Variants in RIMOC1 observed in about 807,000 individuals in gnomAD.
The protein encoded by RIMOC1 is RAB7A-interacting MON1-CCZ1 complex subunit 1.
chr5:41,909,883 G>A, the RIMOC1 span: 12 of 1,573,938 alleles, frequency 7.6e-6, no homozygotes, highest in Non-Finnish European at 9.5e-6. Flanking sequence ...AAAATAATAT[G>A]CATCCAAAAG....
the RIMOC1 span, among the ~76,000 whole-genome samples, chr5:41,914,560 G>A: frequency 5.3e-5 from 8 of 151,388 alleles, no homozygotes; most frequent in East Asian, 1.9e-4. Context: ...GAAAACTGGC[G>A]CCAGGAGTTC....
the RIMOC1 span, chr5:41,916,940 A>G: frequency 3.0e-6 from 4 of 1,318,328 alleles, no homozygotes; most frequent in Non-Finnish European, 4.1e-6. Flanking sequence ...AGGAACTTTA[A>G]TTAGAGTTTA....
At chr5:41,907,197 A>C in the RIMOC1 span, among the ~76,000 whole-genome samples, 6 of 152,218 alleles carry the variant, frequency 3.9e-5, no homozygotes, top group African/African-American at 1.4e-4. Context: ...TTTTTAAAGG[A>C]ATTAAATACA....
At chr5:41,906,173 A>G in the RIMOC1 span, among the ~76,000 whole-genome samples, 1 of 152,222 alleles carries the variant, frequency 6.6e-6, no homozygotes, top group African/African-American at 2.4e-5. Flanking sequence ...TCATCTAAGA[A>G]TGCGTCTTTA....
At chr5:41,913,290 T>A in the RIMOC1 span, among the ~76,000 whole-genome samples, 1 of 152,204 alleles carries the variant, frequency 6.6e-6, no homozygotes, top group Admixed American at 6.5e-5. Flanking sequence ...GTCCTTAACC[T>A]GATACATTGC....
chr5:41,921,632 C>T, the RIMOC1 span: 1 of 151,868 alleles, frequency 6.6e-6, no homozygotes, highest in African/African-American at 2.4e-5. Flanking sequence ...AACCATACAC[C>T]CCTACTTGTT....
the RIMOC1 span, among the ~76,000 whole-genome samples, chr5:41,914,061 T>A: frequency 6.6e-6 from 1 of 152,280 alleles, no homozygotes; most frequent in East Asian, 1.9e-4. Flanking sequence ...TACAGCTCAT[T>A]TAGAACCAAA....
chr5:41,917,182 AG>A, the RIMOC1 span: 1 of 1,613,896 alleles, frequency 6.2e-7, no homozygotes, highest in Non-Finnish European at 8.5e-7. Context: ...TCCGAGAAGT[AG>A]GAGAAAAAAT....
the RIMOC1 span, among the ~76,000 whole-genome samples, chr5:41,913,398 A>G: frequency 6.6e-6 from 1 of 152,232 alleles, no homozygotes; most frequent in Non-Finnish European, 1.5e-5. Flanking sequence ...GCGTCTGTGT[A>G]CTTGAAAATT....
At chr5:41,914,315 T>C in the RIMOC1 span, among the ~76,000 whole-genome samples, 1 of 152,114 alleles carries the variant, frequency 6.6e-6, no homozygotes, top group Non-Finnish European at 1.5e-5. Context: ...GTTTGCTACA[T>C]ACTGTCCTAA....
the RIMOC1 span, chr5:41,917,215 G>T: frequency 6.2e-7 from 1 of 1,613,726 alleles, no homozygotes; most frequent in Non-Finnish European, 8.5e-7. Context: ...ATGTATCTGT[G>T]TGTGAAGGAC....
the RIMOC1 span, among the ~76,000 whole-genome samples, chr5:41,914,686 G>A: frequency 2.6e-5 from 4 of 151,892 alleles, no homozygotes; most frequent in African/African-American, 9.7e-5. Flanking sequence ...TGGAGAATCA[G>A]TTGAGCCCAG....
chr5:41,917,182 A>C, the RIMOC1 span: 1 of 1,613,896 alleles, frequency 6.2e-7, no homozygotes. Flanking sequence ...TCCGAGAAGT[A>C]GGAGAAAAAA....
the RIMOC1 span, among the ~76,000 whole-genome samples, chr5:41,914,316 A>G: frequency 2.0e-5 from 3 of 152,052 alleles, no homozygotes; most frequent in African/African-American, 2.4e-5. Context: ...TTTGCTACAT[A>G]CTGTCCTAAG....
the RIMOC1 span, chr5:41,921,123 CT>C: frequency 6.6e-6 from 1 of 152,550 alleles, no homozygotes; most frequent in African/African-American, 2.4e-5. Context: ...ACTTTTCTTT[CT>C]TCTTTTGCAT....
At chr5:41,918,213 C>T in the RIMOC1 span, 1 of 985,784 alleles carries the variant, frequency 1.0e-6, no homozygotes, top group African/African-American at 1.7e-5. Context: ...GACTTTATTA[C>T]ATTCCAGCAG....
At chr5:41,909,743 T>TC in the RIMOC1 span, 3 of 1,503,336 alleles carry the variant, frequency 2.0e-6, no homozygotes, top group South Asian at 4.0e-5. Flanking sequence ...TTTTTTTTTT[T>TC]AGGCTATTTT....
the RIMOC1 span, chr5:41,918,935 A>G: frequency 5.7e-6 from 1 of 176,150 alleles, no homozygotes; most frequent in East Asian, 1.9e-4. Context: ...TCATTTCCCC[A>G]CAAAGTGTTG....
chr5:41,917,432 C>T, the RIMOC1 span: 7 of 1,384,510 alleles, frequency 5.1e-6, no homozygotes, highest in African/African-American at 1.5e-5. Context: ...AGCTTGGGTA[C>T]CCTACTAAAA....
Sources: gnomAD v4.1 joint callset for allele counts (sites outside exome capture counted in the v4.1 genomes callset) on GRCh38, gnomAD v4.1.1 for gene constraint, MANE v1.5 for transcripts, NCBI Gene and HGNC (gene_info 2026-07-23, HGNC 2026-07-21) for gene names.